Variants in SRGAP1 observed in about 807,000 individuals in gnomAD.
The protein encoded by SRGAP1 is SLIT-ROBO Rho GTPase-activating protein 1.
A neutral mutation model predicts 121.9 loss-of-function variants in SRGAP1; 43 were observed. That is an observed-to-expected ratio of 0.35 (90% CI 0.28 to 0.46). SRGAP1 has a LOEUF of 0.46. Ranked by LOEUF, SRGAP1 falls within the 20% of genes least tolerant of loss-of-function variation. SRGAP1 has a pLI of 1.00. For missense variants in SRGAP1, 1,102 were observed against 1,350.9 expected (o/e 0.82, Z 2.89); for synonymous variants, 447 against 485.4 (o/e 0.92, Z 1.04).
intron 10 of SRGAP1, chr12:64,082,025 A>G (rs199835201): frequency 8.2e-5 from 2 of 24,326 alleles, no homozygotes; most frequent in South Asian, 1.5e-3. Flanking sequence ...TTTTTTTTCA[A>G]TTTTTCACAA....
intron 21 of SRGAP1, among the ~76,000 whole-genome samples, chr12:64,141,768 T>A (rs1367814491): frequency 1.3e-5 from 2 of 152,020 alleles, no homozygotes; most frequent in Non-Finnish European, 2.9e-5. Context: ...CCTGGGCAAC[T>A]AGCAAGACCC....
intron 1 of SRGAP1, among the ~76,000 whole-genome samples, chr12:63,901,571 A>G (rs1395597074): frequency 1.3e-5 from 2 of 152,300 alleles, no homozygotes; most frequent in South Asian, 2.1e-4. Flanking sequence ...ATCTTGGCCT[A>G]TCCATCATTG....
intron 3 of SRGAP1, among the ~76,000 whole-genome samples, chr12:63,995,507 G>A (rs531795327): frequency 1.7e-4 from 26 of 152,284 alleles, no homozygotes; most frequent in African/African-American, 6.3e-4. Flanking sequence ...TTTGGTGGTA[G>A]AGATGTCACC....
rs1395029992 is a variant in SRGAP1, at chr12:64,017,019, A to C, written c.489+7A>C. 8 of 1,480,780 alleles carry C rather than the reference A, an allele frequency of 5.4e-6. No individual in the cohort carries two copies. Among genetic ancestry groups the C allele is most frequent in the Non-Finnish European group, 7.4e-6 (8 of 1,074,982 alleles). 91.7% of individuals were successfully genotyped at this position (1,480,780 alleles called of 1,614,324 possible). On this transcript the variant is annotated splice_region_variant and intron_variant, in intron 4 of 21. Coordinates refer to ENST00000355086, the MANE Select transcript of SRGAP1 (RefSeq NM_020762.4). The stretch of plus-strand genomic sequence containing the variant: ...TCTTAATGAGCTTTATACGGTAAGG[A>C]CATAATCTTTCTTCTTTTCTAGAAT...
At chr12:64,002,396 C>T (rs749970734) in intron 3 of SRGAP1, among the ~76,000 whole-genome samples, 1 of 152,146 alleles carries the variant, frequency 6.6e-6, no homozygotes, top group Non-Finnish European at 1.5e-5. Context: ...TGTCCTGCTG[C>T]CACTTGGCCT....
chr12:63,994,961 C>G, intron 3 of SRGAP1, among the ~76,000 whole-genome samples: 1 of 152,236 alleles, frequency 6.6e-6, no homozygotes, highest in Non-Finnish European at 1.5e-5. Flanking sequence ...TGTCATCTGT[C>G]ACAGTTGCAG....
intron 6 of SRGAP1, among the ~76,000 whole-genome samples, chr12:64,052,924 G>A (rs1039912441): frequency 6.6e-6 from 1 of 152,160 alleles, no homozygotes; most frequent in African/African-American, 2.4e-5. Flanking sequence ...TTGCACAGTT[G>A]TTATACCTTT....
In SRGAP1 at chr12:64,150,911, G is replaced by A. The variant is rs932584465; in HGVS notation, c.*8239G>A. 5 of 114,588 alleles carry A rather than the reference G, an allele frequency of 4.4e-5. No individual in the cohort carries two copies. Among genetic ancestry groups the A allele is most frequent in the African/African-American group, 9.1e-5 (3 of 32,840 alleles). The allele number at this position is 114,588 out of a possible 1,614,324, so 7.1% of individuals were successfully genotyped here. A position where few individuals can be genotyped will look rare whatever the true frequency, so the allele number is the denominator to read the frequency against. ...GATTGCACCACTGCACTCCAACCTGGGTGGAAGAGTGAGAAGCTATCTCAA... is the reference window on the plus strand; with the variant it reads ...GATTGCACCACTGCACTCCAACCTGAGTGGAAGAGTGAGAAGCTATCTCAA... On this transcript the variant is annotated 3_prime_UTR_variant, in exon 22 of 22. Transcript: ENST00000355086.
At chr12:63,980,290 G>T (rs144411322) in intron 1 of SRGAP1, among the ~76,000 whole-genome samples, 1 of 152,184 alleles carries the variant, frequency 6.6e-6, no homozygotes, top group Non-Finnish European at 1.5e-5. Context: ...TTGAGCTCAA[G>T]CGATCTACCT....
At chr12:63,848,113 C>G (rs1002060456) in intron 1 of SRGAP1, among the ~76,000 whole-genome samples, 2 of 151,910 alleles carry the variant, frequency 1.3e-5, no homozygotes, top group Non-Finnish European at 2.9e-5. Flanking sequence ...TCAAGTGATT[C>G]TCCTGCCTCA....
At chr12:63,900,378 T>TGTATTTTTG (rs2029877865) in intron 1 of SRGAP1, among the ~76,000 whole-genome samples, 1 of 151,768 alleles carries the variant, frequency 6.6e-6, no homozygotes, top group African/African-American at 2.4e-5. Context: ...GCTAATTTTT[T>TGTATTTTTG]GTATTTTTGG....
At chr12:64,104,691 C>T (rs1030846475) in intron 15 of SRGAP1, among the ~76,000 whole-genome samples, 4 of 152,176 alleles carry the variant, frequency 2.6e-5, no homozygotes, top group Admixed American at 6.6e-5. Flanking sequence ...GGTTAGAGGC[C>T]TTCGAGACGA....
At chr12:64,104,270 G>T (rs1346880602) in intron 15 of SRGAP1, among the ~76,000 whole-genome samples, 2 of 152,066 alleles carry the variant, frequency 1.3e-5, no homozygotes, top group Non-Finnish European at 2.9e-5. Context: ...TGAGAATCTT[G>T]CATTGCTGGG....
At chr12:64,012,864 T>G (rs2034292308) in intron 3 of SRGAP1, among the ~76,000 whole-genome samples, 1 of 152,154 alleles carries the variant, frequency 6.6e-6, no homozygotes, top group Non-Finnish European at 1.5e-5. Context: ...TTTCAAATTT[T>G]TAATGAAATA....
intron 10 of SRGAP1, among the ~76,000 whole-genome samples, chr12:64,086,475 C>T (rs1281487233): frequency 2.0e-5 from 3 of 152,066 alleles, no homozygotes; most frequent in South Asian, 2.1e-4. Flanking sequence ...CTTTAATATT[C>T]GCAAATGTCA....
At chr12:64,087,363 A>G (rs530928779) in intron 11 of SRGAP1, among the ~76,000 whole-genome samples, 1 of 152,348 alleles carries the variant, frequency 6.6e-6, no homozygotes, top group Non-Finnish European at 1.5e-5. Context: ...TTAAAAAAAA[A>G]ATACGACGTG....
intron 8 of SRGAP1, among the ~76,000 whole-genome samples, chr12:64,071,144 C>T (rs2035629563): frequency 1.3e-5 from 2 of 152,082 alleles, no homozygotes; most frequent in Admixed American, 6.6e-5. Context: ...TAGGATCAAC[C>T]GTCTTTCACC....
In SRGAP1 at chr12:64,149,517, A is replaced by T. The variant is rs1325637529; in HGVS notation, c.*6845A>T. ...AGACTCCACCATCCTGCTACCCTCAAATCTTAAGCTCCTCAGCCTGCCACG... is the reference window on the plus strand; with the variant it reads ...AGACTCCACCATCCTGCTACCCTCATATCTTAAGCTCCTCAGCCTGCCACG... On this transcript the variant is annotated 3_prime_UTR_variant, in exon 22 of 22. Transcript: ENST00000355086. 6.6e-6 allele frequency: 1 copy of T among 152,180 alleles called. No homozygotes were observed. Among genetic ancestry groups the T allele is most frequent in the Non-Finnish European group, 1.5e-5 (1 of 68,056 alleles). 9.4% of individuals were successfully genotyped at this position (152,180 alleles called of 1,614,324 possible).
chr12:64,025,708 C>T (rs1000678220), intron 4 of SRGAP1, among the ~76,000 whole-genome samples: 4 of 152,264 alleles, frequency 2.6e-5, no homozygotes, highest in East Asian at 3.9e-4. Flanking sequence ...AAAGGATTTC[C>T]GTACCTCCTT....
Sources: allele counts gnomAD v4.1 joint callset (sites outside exome capture counted in the v4.1 genomes callset), GRCh38; gene constraint gnomAD v4.1.1; transcripts MANE v1.5; gene names NCBI Gene and HGNC (gene_info 2026-07-23, HGNC 2026-07-21).